HMGXB4: variants seen among roughly 807,000 people sequenced by gnomAD.
HMGXB4 encodes the protein HMG domain-containing protein 4.
HMGXB4 carries 27 observed loss-of-function variants against 63.9 expected under a neutral mutation model. The ratio of observed to expected loss-of-function variants is 0.42; its 90% CI spans 0.31 to 0.58. The LOEUF (loss-of-function observed/expected upper bound fraction) is 0.58, where lower values mean the gene tolerates loss of function less well. Ranked by LOEUF, HMGXB4 falls within the 20% of genes least tolerant of loss-of-function variation. The pLI is 0.13. For missense variants in HMGXB4, 624 were observed against 700.7 expected (o/e 0.89, Z 1.24); for synonymous variants, 264 against 265.3 (o/e 0.99, Z 0.05).
At chr22:35,284,658 G>T (rs551918529) in intron 6 of HMGXB4, among the ~76,000 whole-genome samples, 11 of 152,228 alleles carry the variant, frequency 7.2e-5, no homozygotes, top group Admixed American at 6.5e-4. Flanking sequence ...CAGAATGGCT[G>T]TATGGGTACT....
upstream of HMGXB4, among the ~76,000 whole-genome samples, chr22:35,255,986 T>C (rs143412682): frequency 7.2e-5 from 11 of 152,372 alleles, no homozygotes; most frequent in East Asian, 1.2e-3. Flanking sequence ...GTATTTGCAG[T>C]TACATTTTGC....
chr22:35,262,906 G>A (rs1440776426), intron 2 of HMGXB4, 172 bp from the exon 3 acceptor site: 1 of 642,168 alleles, frequency 1.6e-6, no homozygotes, highest in Admixed American at 3.1e-5. Flanking sequence ...TTGCAGCTAG[G>A]TCATCAAGAA....
intron 5 of HMGXB4, among the ~76,000 whole-genome samples, chr22:35,268,914 A>G (rs1453842850): frequency 6.6e-6 from 1 of 152,154 alleles, no homozygotes; most frequent in Non-Finnish European, 1.5e-5. Context: ...GACCTAATCA[A>G]ATGCCACCTC....
the HMGXB4 span, among the ~76,000 whole-genome samples, chr22:35,251,691 T>C: frequency 6.6e-6 from 1 of 152,238 alleles, no homozygotes; most frequent in Non-Finnish European, 1.5e-5. Flanking sequence ...TGGCTTTATC[T>C]AATCTTTTTT....
chr22:35,263,007 C>A, intron 2 of HMGXB4, 71 bp from the exon 3 acceptor site: 1 of 1,396,074 alleles, frequency 7.2e-7, no homozygotes, highest in Non-Finnish European at 1.0e-6. Flanking sequence ...GTTGCATTAC[C>A]TGCATGACGA....
At chr22:35,274,517 C>G (rs1923792994) in intron 5 of HMGXB4, among the ~76,000 whole-genome samples, 1 of 152,164 alleles carries the variant, frequency 6.6e-6, no homozygotes, top group Non-Finnish European at 1.5e-5. Flanking sequence ...AGTTTTTTAT[C>G]TACTATGTAT....
chr22:35,294,042 A>G lies in HMGXB4; in HGVS notation c.*391A>G, dbSNP rs1315254733. ...CAAGCTCAGTTGGACCTCCAGACCC[A>G]TCACTGACCATTTGCCTTACCTGTC... On this transcript the variant is annotated 3_prime_UTR_variant, in exon 11 of 11. Transcript: ENST00000216106. The G allele has an allele frequency of 6.5e-6, 1 of 154,700 alleles. No homozygotes were observed. The highest frequency in any genetic ancestry group is 2.4e-5 in the African/African-American group (1 of 41,480). 9.6% of individuals were successfully genotyped at this position (154,700 alleles called of 1,614,324 possible).
intron 9 of HMGXB4, among the ~76,000 whole-genome samples, chr22:35,291,311 T>A (rs1290488273): frequency 6.6e-6 from 1 of 152,068 alleles, no homozygotes; most frequent in African/African-American, 2.4e-5. Context: ...GCGTGTGGTG[T>A]GTGTGTATCT....
intron 1 of HMGXB4, chr22:35,261,904 CT>C (rs1240189570): frequency 6.4e-6 from 1 of 155,480 alleles, no homozygotes; most frequent in East Asian, 1.9e-4. Flanking sequence ...ATTTTGTGGT[CT>C]TCAAATGTTT....
At chr22:35,254,675 C>T (rs1922315912), upstream of HMGXB4, among the ~76,000 whole-genome samples, 1 of 152,238 alleles carries the variant, frequency 6.6e-6, no homozygotes, top group Non-Finnish European at 1.5e-5. Flanking sequence ...CAAGGACTCT[C>T]AATTCTGTTC....
At chr22:35,272,039 AACT>A (rs768021481) in intron 5 of HMGXB4, among the ~76,000 whole-genome samples, 9 of 152,222 alleles carry the variant, frequency 5.9e-5, no homozygotes, top group Non-Finnish European at 7.3e-5. Context: ...ATTTGGCTGG[AACT>A]TGGGTGAGAA....
intron 5 of HMGXB4, among the ~76,000 whole-genome samples, chr22:35,267,162 TAAAA>T (rs1923312710): frequency 1.0e-4 from 14 of 136,460 alleles, no homozygotes; most frequent in Non-Finnish European, 1.9e-4. Flanking sequence ...ATAATATATA[TAAAA>T]TAATATATTA....
intron 1 of HMGXB4, among the ~76,000 whole-genome samples, chr22:35,260,987 T>C (rs1456157384): frequency 6.6e-6 from 1 of 152,200 alleles, no homozygotes; most frequent in Non-Finnish European, 1.5e-5. Context: ...AATACCCTTA[T>C]AATAATGAAG....
chr22:35,273,840 G>A (rs1270315137), intron 5 of HMGXB4, among the ~76,000 whole-genome samples: 1 of 152,210 alleles, frequency 6.6e-6, no homozygotes, highest in African/African-American at 2.4e-5. Context: ...GGACCAGTGA[G>A]ATGAGTCCTG....
chr22:35,293,873 T>A lies in HMGXB4; in HGVS notation c.*222T>A. The A allele has an allele frequency of 3.3e-6, 1 of 305,962 alleles. No homozygotes were observed. Among genetic ancestry groups the A allele is most frequent in the African/African-American group, 2.2e-5 (1 of 46,188 alleles). 19.0% of individuals were successfully genotyped at this position (305,962 alleles called of 1,614,324 possible). On this transcript the variant is annotated 3_prime_UTR_variant, in exon 11 of 11. Coordinates refer to ENST00000216106, the MANE Select transcript of HMGXB4 (RefSeq NM_001003681.3). ...TGGCAAAGGTTTAGCCAAGAGGAAA[T>A]TTTGGCATGAATACAGGCTTGGGAT... is the stretch of plus-strand genomic sequence containing the variant.
chr22:35,277,925 G>A (rs934407750), intron 5 of HMGXB4, among the ~76,000 whole-genome samples: 7 of 152,042 alleles, frequency 4.6e-5, no homozygotes. Flanking sequence ...CCATTCTGTG[G>A]GTTTGGACAA....
Position 35,294,395 on chromosome 22 carries a change from G to A in HMGXB4, c.*744G>A, listed in dbSNP as rs1254391393. On this transcript the variant is annotated 3_prime_UTR_variant, in exon 11 of 11. Coordinates refer to ENST00000216106, the MANE Select transcript of HMGXB4 (RefSeq NM_001003681.3). ...CCTCCATACATTCTGAGCTAACCCA[G>A]AATCTTTAGTCGGCAGAATTAAGTG... The A allele has an allele frequency of 6.6e-6, 1 of 152,572 alleles. No individual in the cohort carries two copies. The highest frequency in any genetic ancestry group is 2.4e-5 in the African/African-American group (1 of 41,426). 9.5% of individuals were successfully genotyped at this position (152,572 alleles called of 1,614,324 possible). A position where few individuals can be genotyped will look rare whatever the true frequency, so the allele number is the denominator to read the frequency against.
intron 1 of HMGXB4, chr22:35,258,188 C>T (rs1922575467): frequency 6.6e-6 from 1 of 152,160 alleles, no homozygotes; most frequent in Non-Finnish European, 1.5e-5. Flanking sequence ...TGTAAATCAC[C>T]TGGTATTTTG....
chr22:35,267,848 C>G (rs1254646602), intron 5 of HMGXB4, among the ~76,000 whole-genome samples: 1 of 152,184 alleles, frequency 6.6e-6, no homozygotes, highest in Non-Finnish European at 1.5e-5. Context: ...TCCATGTTAT[C>G]TTTCTTAATG....
Sources: gnomAD v4.1 joint callset for allele counts (sites outside exome capture counted in the v4.1 genomes callset) on GRCh38, gnomAD v4.1.1 for gene constraint, MANE v1.5 for transcripts, NCBI Gene and HGNC (gene_info 2026-07-23, HGNC 2026-07-21) for gene names.